Variants in PCDH15 observed in about 807,000 individuals in gnomAD.
PCDH15 encodes the protein protocadherin-15.
Under a neutral mutation model 178.5 loss-of-function variants are expected in PCDH15, and 129 were observed. The observed-to-expected ratio is 0.72, with a 90% confidence interval of 0.63 to 0.84. The LOEUF (loss-of-function observed/expected upper bound fraction) is 0.84. PCDH15 is among the 40% of genes least tolerant of loss of function. The probability of loss-of-function intolerance (pLI) is 0.00; values close to 1 mark genes in which losing one functional copy is unlikely to be tolerated. For synonymous variants in PCDH15, 800 were observed against 732.0 expected, an observed-to-expected ratio of 1.09 and a Z score of -1.50; for missense variants, 2,230 against 2,099.9, an observed-to-expected ratio of 1.06 and a Z score of -1.21.
At chr10:55,204,691 C>T (rs1178610055) in intron 1 of PCDH15, among the ~76,000 whole-genome samples, 1 of 151,960 alleles carries the variant, frequency 6.6e-6, no homozygotes, top group Non-Finnish European at 1.5e-5. Context: ...CTTTTGTGGA[C>T]TCCAACATAC....
intron 1 of PCDH15, among the ~76,000 whole-genome samples, chr10:55,271,714 G>C (rs1017334859): frequency 5.9e-5 from 9 of 151,938 alleles, no homozygotes; most frequent in Non-Finnish European, 1.3e-4. Context: ...CAAACACTGT[G>C]GTACTAGGTC....
At chr10:55,598,921 C>A (rs1843001207) in intron 2 of PCDH15, among the ~76,000 whole-genome samples, 1 of 152,072 alleles carries the variant, frequency 6.6e-6, no homozygotes, top group African/African-American at 2.4e-5. Flanking sequence ...GATTTCATTA[C>A]AACCTGATCG....
chr10:55,434,045 G>A (rs943928871), intron 2 of PCDH15, among the ~76,000 whole-genome samples: 12 of 148,994 alleles, frequency 8.1e-5, no homozygotes, highest in Non-Finnish European at 1.8e-4. Context: ...ATAACATAAG[G>A]AAAACAAATT....
chr10:54,823,464 C>G (rs147281175), intron 3 of PCDH15, among the ~76,000 whole-genome samples: 466 of 152,168 alleles, frequency 3.1e-3, no homozygotes, highest in Non-Finnish European at 3.6e-3. Context: ...CTGTTCTGAG[C>G]AATTCATAGT....
intron 2 of PCDH15, among the ~76,000 whole-genome samples, chr10:55,450,846 T>C (rs1239584578): frequency 6.6e-6 from 1 of 151,706 alleles, no homozygotes; most frequent in Non-Finnish European, 1.5e-5. Context: ...ATATCACCTA[T>C]CACCTCTAAT....
At chr10:55,142,776 G>T (rs1036280472) in intron 2 of PCDH15, among the ~76,000 whole-genome samples, 2 of 151,620 alleles carry the variant, frequency 1.3e-5, no homozygotes, top group African/African-American at 2.4e-5. Flanking sequence ...CCTCTGAGAA[G>T]TATCTTGCCT....
Position 54,969,471 on chromosome 10 carries a change from G to A in PCDH15, c.-79-71971C>T, listed in dbSNP as rs1252343435. On this transcript the variant is annotated intron_variant, in intron 2 of 5. Transcript: ENST00000458638. ...ATGTGAATGTTGAGATGATTTCTCT[G>A]TTCTTTTCAGGTTCTTTCCATAGCC... is the stretch of plus-strand genomic sequence containing the variant. Among the ~76,000 whole-genome samples the A allele has an allele frequency of 2.6e-5, 4 of 152,154 alleles. No homozygotes were observed. The South Asian group carries it at 6.2e-4, about 24-fold the overall frequency.
intron 3 of PCDH15, among the ~76,000 whole-genome samples, chr10:54,844,987 T>C (rs923789258): frequency 3.0e-4 from 45 of 152,138 alleles, no homozygotes; most frequent in African/African-American, 1.0e-3. Flanking sequence ...ACTTTTCTTC[T>C]GCTTTCCTGA....
At chr10:53,938,371 A>G (rs1233520175) in intron 25 of PCDH15, among the ~76,000 whole-genome samples, 1 of 152,296 alleles carries the variant, frequency 6.6e-6, no homozygotes, top group African/African-American at 2.4e-5. Context: ...ATGATGCTAC[A>G]TATAAATTAC....
chr10:54,491,611 C>T (rs536053082), intron 3 of PCDH15, among the ~76,000 whole-genome samples: 1 of 152,184 alleles, frequency 6.6e-6, no homozygotes, highest in African/African-American at 2.4e-5. Flanking sequence ...GCAGTGGGGA[C>T]AATTTCTTGT....
At chr10:54,758,935 T>A (rs7898798) in intron 1 of PCDH15, among the ~76,000 whole-genome samples, 11,718 of 152,146 alleles carry the variant, frequency 0.077, 1,465 homozygotes, top group African/African-American at 0.27. Flanking sequence ...CTTTGCCTCC[T>A]ATAGGTCTGG....
At chr10:54,819,198 A>G (rs1257923437) in intron 3 of PCDH15, among the ~76,000 whole-genome samples, 1 of 150,884 alleles carries the variant, frequency 6.6e-6, no homozygotes, top group East Asian at 1.9e-4. Flanking sequence ...TTGGACATGC[A>G]GGTCCCATAT....
chr10:54,358,208 T>C (rs1945360298), intron 5 of PCDH15, among the ~76,000 whole-genome samples: 3 of 150,298 alleles, frequency 2.0e-5, no homozygotes. Context: ...CAAAAGAAAC[T>C]ACCATCAGAG....
At chr10:54,489,814 G>C (rs1360523690) in intron 3 of PCDH15, among the ~76,000 whole-genome samples, 1 of 152,038 alleles carries the variant, frequency 6.6e-6, no homozygotes, top group Non-Finnish European at 1.5e-5. Context: ...ATTTGCCATA[G>C]CCATTTAATT....
intron 1 of PCDH15, among the ~76,000 whole-genome samples, chr10:54,700,860 G>C (rs960434237): frequency 6.6e-6 from 1 of 151,964 alleles, no homozygotes; most frequent in Non-Finnish European, 1.5e-5. Flanking sequence ...AAAATACAGA[G>C]AACCCCTGTG....
At chr10:53,846,399 C>T (rs907182955) in intron 28 of PCDH15, among the ~76,000 whole-genome samples, 8 of 151,742 alleles carry the variant, frequency 5.3e-5, no homozygotes, top group African/African-American at 7.2e-5. Flanking sequence ...TAAAGAAATA[C>T]GTTAATATAG....
At chr10:54,430,144 C>T (rs1956796247) in intron 3 of PCDH15, among the ~76,000 whole-genome samples, 1 of 146,480 alleles carries the variant, frequency 6.8e-6, no homozygotes, top group African/African-American at 2.5e-5. Flanking sequence ...CAGCCTCCAC[C>T]TTCTGGGTTC....
At chr10:54,075,574 G>C (rs2094327054) in intron 17 of PCDH15, among the ~76,000 whole-genome samples, 1 of 151,924 alleles carries the variant, frequency 6.6e-6, no homozygotes, top group South Asian at 2.1e-4. Flanking sequence ...ATAAATCCCT[G>C]ACAAATGCAA....
chr10:54,093,219 T>C (rs1361034409), intron 15 of PCDH15, among the ~76,000 whole-genome samples: 2 of 152,162 alleles, frequency 1.3e-5, no homozygotes, highest in Non-Finnish European at 2.9e-5. Context: ...ACTTCATTCT[T>C]ATGTGAGGTT....
Sources: allele counts gnomAD v4.1 joint callset (sites outside exome capture counted in the v4.1 genomes callset), GRCh38; gene constraint gnomAD v4.1.1; transcripts MANE v1.5; gene names NCBI Gene and HGNC (gene_info 2026-07-23, HGNC 2026-07-21).